OSBPL1A: variants seen among roughly 807,000 people sequenced by gnomAD.
OSBPL1A encodes oxysterol binding protein like 1A.
OSBPL1A carries 80 observed loss-of-function variants against 137.1 expected under a neutral mutation model. The ratio of observed to expected loss-of-function variants is 0.58; its 90% CI spans 0.49 to 0.70. OSBPL1A has a LOEUF of 0.70. Ranked by LOEUF, OSBPL1A falls within the 30% of genes least tolerant of loss-of-function variation. The pLI is 0.00. For synonymous variants in OSBPL1A, 365 were observed against 389.7 expected, an observed-to-expected ratio of 0.94 and a Z score of 0.75; for missense variants, 970 against 1,129.4, an observed-to-expected ratio of 0.86 and a Z score of 2.02.
chr18:24,267,153 TA>T (rs35547594), intron 15 of OSBPL1A, among the ~76,000 whole-genome samples: 24,545 of 143,096 alleles, frequency 0.17, 3,228 homozygotes, highest in African/African-American at 0.38. Context: ...CAACCTAAGT[TA>T]AAAAAAAAAA....
intron 15 of OSBPL1A, among the ~76,000 whole-genome samples, chr18:24,250,174 G>GTTTTTTTTTTTTTTTT (rs1233264916): frequency 4.0e-5 from 3 of 75,364 alleles, no homozygotes; most frequent in Non-Finnish European, 5.2e-5. Flanking sequence ...TTGTTTGTTT[G>GTTTTTTTTTTTTTTTT]TTTGTTTGTT....
chr18:24,368,040 T>A (rs1160711993), intron 3 of OSBPL1A: 1 of 293,488 alleles, frequency 3.4e-6, no homozygotes, highest in Non-Finnish European at 6.3e-6. Context: ...TTCATTAATA[T>A]GCCTACTTTT....
At chr18:24,233,003 C>G (rs1239220372) in intron 16 of OSBPL1A, among the ~76,000 whole-genome samples, 1 of 152,182 alleles carries the variant, frequency 6.6e-6, no homozygotes, top group African/African-American at 2.4e-5. Context: ...TTAAGGGGAA[C>G]GCTTAGCAAG....
chr18:24,216,500 G>C (rs1429123573), intron 17 of OSBPL1A, among the ~76,000 whole-genome samples: 2 of 152,118 alleles, frequency 1.3e-5, no homozygotes, highest in Non-Finnish European at 2.9e-5. Context: ...GAGCGAGACT[G>C]TGTCTCCAGA....
chr18:24,368,224 T>C, intron 3 of OSBPL1A, 63 bp downstream of exon 3: 1 of 1,331,220 alleles, frequency 7.5e-7, no homozygotes, highest in Non-Finnish European at 1.1e-6. Flanking sequence ...AAGACTTTCA[T>C]CTTAAAATTT....
chr18:24,198,795 T>C (rs963591847), intron 17 of OSBPL1A, among the ~76,000 whole-genome samples: 1 of 151,822 alleles, frequency 6.6e-6, no homozygotes, highest in Non-Finnish European at 1.5e-5. Flanking sequence ...AGGCAGAGCG[T>C]TCCCGAGGGC....
chr18:24,181,065 T>A, intron 19 of OSBPL1A, 80 bp downstream of exon 19: 1 of 1,470,330 alleles, frequency 6.8e-7, no homozygotes, highest in Non-Finnish European at 9.1e-7. Context: ...TAACACTAAT[T>A]GTGTGAACGT....
At chr18:24,200,275 A>C (rs995894773) in intron 17 of OSBPL1A, among the ~76,000 whole-genome samples, 5 of 152,126 alleles carry the variant, frequency 3.3e-5, no homozygotes, top group Non-Finnish European at 7.4e-5. Flanking sequence ...AATTAAGTAA[A>C]AAATCAGGCC....
At chr18:24,198,616 T>C (rs2087109558) in intron 17 of OSBPL1A, among the ~76,000 whole-genome samples, 3 of 151,684 alleles carry the variant, frequency 2.0e-5, no homozygotes. Flanking sequence ...CTTTGTGCAA[T>C]AAACTGATGG....
chr18:24,217,518 A>G (rs2087746368), intron 17 of OSBPL1A, among the ~76,000 whole-genome samples: 1 of 152,020 alleles, frequency 6.6e-6, no homozygotes, highest in East Asian at 1.9e-4. Flanking sequence ...CTGCCTCCCA[A>G]AGTGCTGGGA....
chr18:24,361,178 T>C (rs2091615383), intron 4 of OSBPL1A, among the ~76,000 whole-genome samples: 1 of 152,152 alleles, frequency 6.6e-6, no homozygotes, highest in Admixed American at 6.5e-5. Flanking sequence ...TACAGATGCA[T>C]GCTACCACAT....
intron 15 of OSBPL1A, among the ~76,000 whole-genome samples, chr18:24,239,925 CTT>C (rs10699940): frequency 9.6e-5 from 12 of 125,610 alleles, no homozygotes; most frequent in African/African-American, 2.4e-4. Flanking sequence ...TCATTTTTCT[CTT>C]TTTTTTTTTT....
At chr18:24,321,028 C>CAAAA (rs368453121) in intron 7 of OSBPL1A, among the ~76,000 whole-genome samples, 35 of 68,282 alleles carry the variant, frequency 5.1e-4, no homozygotes, top group African/African-American at 1.3e-3. Context: ...GACTTCGTCT[C>CAAAA]AAAAAAAAAA....
At chr18:24,248,397 G>C (rs1036352186) in intron 15 of OSBPL1A, among the ~76,000 whole-genome samples, 10 of 152,154 alleles carry the variant, frequency 6.6e-5, no homozygotes, top group Non-Finnish European at 1.2e-4. Context: ...ATTGGTTATA[G>C]CTGACTGTGA....
chr18:24,359,092 C>T (rs2091582111), intron 4 of OSBPL1A, among the ~76,000 whole-genome samples: 1 of 152,040 alleles, frequency 6.6e-6, no homozygotes, highest in Non-Finnish European at 1.5e-5. Context: ...GTGGCACATG[C>T]CTGTGGTCCT....
chr18:24,313,732 T>C (rs745830641), intron 12 of OSBPL1A, among the ~76,000 whole-genome samples: 3 of 152,124 alleles, frequency 2.0e-5, no homozygotes, highest in Non-Finnish European at 2.9e-5. Context: ...AAAAACAAAT[T>C]ATGAACAGAA....
chr18:24,166,041 G>A (rs1219290356), intron 26 of OSBPL1A, among the ~76,000 whole-genome samples: 2 of 152,132 alleles, frequency 1.3e-5, no homozygotes, highest in Non-Finnish European at 2.9e-5. Context: ...AGGTTGCAGT[G>A]AGCCGAGATT....
chr18:24,355,365 G>A (rs1010837828), intron 4 of OSBPL1A, among the ~76,000 whole-genome samples: 6 of 151,738 alleles, frequency 4.0e-5, no homozygotes, highest in African/African-American at 1.5e-4. Flanking sequence ...AGCTGGGCAT[G>A]GTGGCAGGCA....
At chr18:24,390,196 G>C (rs996456888) in intron 1 of OSBPL1A, among the ~76,000 whole-genome samples, 2 of 152,148 alleles carry the variant, frequency 1.3e-5, no homozygotes, top group Admixed American at 1.3e-4. Context: ...CATCAGAGAA[G>C]TATGGGGGTT....
Sources: allele counts gnomAD v4.1 joint callset (sites outside exome capture counted in the v4.1 genomes callset), GRCh38; gene constraint gnomAD v4.1.1; transcripts MANE v1.5; gene names NCBI Gene and HGNC (gene_info 2026-07-23, HGNC 2026-07-21).